The following BOC variants were observed in gnomAD, a reference collection of about 807,000 sequenced individuals.
BOC encodes BOC cell adhesion associated, oncogene regulated.
A neutral mutation model predicts 112.0 loss-of-function variants in BOC; 76 were observed. The observed-to-expected ratio is 0.68, with a 90% CI of 0.56 to 0.82. The LOEUF is 0.82. Among genes scored for constraint, BOC ranks in the 40% least tolerant of loss-of-function variants. The pLI is 0.00. For missense variants in BOC, 1,309 were observed against 1,511.7 expected (o/e 0.87, Z 2.22); for synonymous variants, 580 against 599.8 (o/e 0.97, Z 0.48).
At chr3:113,234,817 C>T (rs1437271918) in intron 2 of BOC, among the ~76,000 whole-genome samples, 1 of 152,200 alleles carries the variant, frequency 6.6e-6, no homozygotes, top group Non-Finnish European at 1.5e-5. Flanking sequence ...ATCCTGTTGC[C>T]TTTTTGGATG....
At chr3:113,248,516 G>GT (rs934923785) in intron 2 of BOC, among the ~76,000 whole-genome samples, 1 of 152,178 alleles carries the variant, frequency 6.6e-6, no homozygotes, top group African/African-American at 2.4e-5. Context: ...ATGATCCACC[G>GT]TGCAGATCAC....
In BOC at chr3:113,250,914, G is replaced by T. The variant is rs748762698; in HGVS notation, c.376+81G>T. 16 of 1,536,768 alleles carry T rather than the reference G, an allele frequency of 1.0e-5. No individual in the cohort carries two copies. The African/African-American group carries it at 2.0e-4, about 20-fold the overall frequency. ...CCCTGAAGCCCCCACCATTCATGCTGCCTCTTGTTACTCTTAGCATAAAAT... is the reference window on the plus strand; with the variant it reads ...CCCTGAAGCCCCCACCATTCATGCTTCCTCTTGTTACTCTTAGCATAAAAT... On this transcript the variant is annotated intron_variant, in intron 4 of 19. Coordinates refer to ENST00000682979, the MANE Select transcript of BOC (RefSeq NM_001378074.1).
At chr3:113,250,456 G>C in intron 3 of BOC, 99 bp from the exon 4 acceptor site, 1 of 1,392,496 alleles carries the variant, frequency 7.2e-7, no homozygotes, top group Non-Finnish European at 9.7e-7. Flanking sequence ...TTCTCTGGTG[G>C]CCACTTCTGG....
At position 113,236,292 on chromosome 3, in the gene BOC, A is replaced by ATATATATATATATATACCCATGGG. The variant is rs1553726912; in HGVS notation, c.-81-13414_-81-13413insCCCATGGGTATATATATATATATA. ...TATATATACCCATGGGTATATATATATATATATATATATATATATACCCAT... is the reference window on the plus strand; with the variant it reads ...TATATATACCCATGGGTATATATATATATATATATATATATACCCATGGGTATATATATATATATATATACCCAT... On this transcript the variant is annotated intron_variant, in intron 2 of 19. Transcript: ENST00000682979. 1.4e-3 allele frequency among the ~76,000 whole-genome samples: 68 copies of ATATATATATATATATACCCATGGG among 48,364 alleles called. 2 individuals carry two copies. Among genetic ancestry groups the ATATATATATATATATACCCATGGG allele is most frequent in the African/African-American group, 7.4e-3 (65 of 8,786 alleles). 31.7% of individuals were successfully genotyped at this position (48,364 alleles called of 152,430 possible). A position where few individuals can be genotyped will look rare whatever the true frequency, so the allele number is the denominator to read the frequency against.
At chr3:113,237,797 A>G (rs776455742) in intron 2 of BOC, among the ~76,000 whole-genome samples, 3 of 152,226 alleles carry the variant, frequency 2.0e-5, no homozygotes, top group African/African-American at 7.2e-5. Flanking sequence ...CTCTCTCTGT[A>G]TGCCACACAT....
intron 6 of BOC, 62 bp from the exon 7 acceptor site, chr3:113,272,348 G>T: frequency 6.4e-7 from 1 of 1,558,230 alleles, no homozygotes; most frequent in Non-Finnish European, 8.7e-7. Flanking sequence ...TGCCTCCTGG[G>T]CATGCTCTAC....
rs373014453 is a variant in BOC, at chr3:113,273,027, G to A, written c.962-42G>A. 2.1e-5 allele frequency: 33 copies of A among 1,567,272 alleles called. No homozygotes were observed. In the African/African-American group the frequency reaches 4.2e-4, roughly 20 times the overall value. On this transcript the variant is annotated intron_variant, in intron 7 of 19. Coordinates refer to ENST00000682979, the MANE Select transcript of BOC (RefSeq NM_001378074.1). ...TCCCAGCCCATCTGGCCCTGGGACA[G>A]AAAGACACAGCCCTTCTCACCCTGC...
upstream of BOC, among the ~76,000 whole-genome samples, chr3:113,211,330 T>G (rs1938113509): frequency 6.6e-6 from 1 of 152,052 alleles, no homozygotes; most frequent in Non-Finnish European, 1.5e-5. Flanking sequence ...CAAAAGAAGT[T>G]GGAGGAGAGC....
chr3:113,220,720 A>G (rs769376493), intron 2 of BOC, among the ~76,000 whole-genome samples: 1 of 152,220 alleles, frequency 6.6e-6, no homozygotes, highest in African/African-American at 2.4e-5. Flanking sequence ...TCGTGTTGTC[A>G]GAGACCCTCC....
At chr3:113,220,187 C>T (rs1940327867) in intron 2 of BOC, among the ~76,000 whole-genome samples, 1 of 152,148 alleles carries the variant, frequency 6.6e-6, no homozygotes, top group Non-Finnish European at 1.5e-5. Context: ...ATAGAGCAGC[C>T]ACCAGAAAGA....
chr3:113,232,235 C>T (rs780889447), intron 2 of BOC, among the ~76,000 whole-genome samples: 6 of 152,250 alleles, frequency 3.9e-5, no homozygotes, highest in Non-Finnish European at 4.4e-5. Flanking sequence ...AGCCTTGCAC[C>T]GAGGCCACTG....
Position 113,238,876 on chromosome 3 carries a change from C to T in BOC, c.-81-10846C>T, listed in dbSNP as rs142098555. Among the ~76,000 whole-genome samples, 755 of 152,324 alleles carry T rather than the reference C, an allele frequency of 5.0e-3. 5 individuals carry two copies. The highest frequency in any genetic ancestry group is 8.1e-3 in the Non-Finnish European group (553 of 68,038). ...TCAAGGAATAGTAGCTTCCCAGTTA[C>T]CTTTTACTGTTTGGTTGAGCTTAAT... On this transcript the variant is annotated intron_variant, in intron 2 of 19. Transcript: ENST00000682979.
At chr3:113,228,533 C>T (rs1942055289) in intron 2 of BOC, among the ~76,000 whole-genome samples, 1 of 152,126 alleles carries the variant, frequency 6.6e-6, no homozygotes, top group Non-Finnish European at 1.5e-5. Context: ...TTCTGGGTGG[C>T]CATAAGCAGC....
chr3:113,217,931 CT>C (rs1387432075), intron 2 of BOC, among the ~76,000 whole-genome samples: 3 of 152,154 alleles, frequency 2.0e-5, no homozygotes, highest in Non-Finnish European at 4.4e-5. Flanking sequence ...GAGATTTTAG[CT>C]GAGAATCCTA....
At chr3:113,229,287 G>T (rs897297466) in intron 2 of BOC, among the ~76,000 whole-genome samples, 1 of 152,244 alleles carries the variant, frequency 6.6e-6, no homozygotes, top group African/African-American at 2.4e-5. Context: ...GCCAACGGCT[G>T]TTCTACTTCT....
intron 4 of BOC, among the ~76,000 whole-genome samples, chr3:113,253,204 CTT>C (rs10576179): frequency 0.048 from 7,288 of 152,136 alleles, 285 homozygotes; most frequent in African/African-American, 0.11. Flanking sequence ...TTTTCTCTCT[CTT>C]GATGTTGTAT....
At chr3:113,238,174 G>C (rs1011721776) in intron 2 of BOC, among the ~76,000 whole-genome samples, 1 of 152,200 alleles carries the variant, frequency 6.6e-6, no homozygotes, top group Non-Finnish European at 1.5e-5. Flanking sequence ...GGAATGAAGG[G>C]AGAAGGGAAA....
At chr3:113,249,635 G>T in intron 2 of BOC, 87 bp from the exon 3 acceptor site, 1 of 547,016 alleles carries the variant, frequency 1.8e-6, no homozygotes, top group Non-Finnish European at 3.1e-6. Context: ...CAGGGAACAA[G>T]GGACAAAGCC....
chr3:113,254,242 C>A (rs1945973956), intron 4 of BOC, among the ~76,000 whole-genome samples: 1 of 152,166 alleles, frequency 6.6e-6, no homozygotes, highest in African/African-American at 2.4e-5. Context: ...GAACTATTGG[C>A]TTGTCATTTA....
Sources: allele counts gnomAD v4.1 joint callset (sites outside exome capture counted in the v4.1 genomes callset), GRCh38; gene constraint gnomAD v4.1.1; transcripts MANE v1.5; gene names NCBI Gene and HGNC (gene_info 2026-07-23, HGNC 2026-07-21).